The following PARVB variants were observed in gnomAD, a reference collection of about 807,000 sequenced individuals.
PARVB encodes beta-parvin.
PARVB carries 46 observed loss-of-function variants against 47.0 expected under a neutral mutation model. That is an observed-to-expected ratio of 0.98 (90% CI 0.77 to 1.25). PARVB has a LOEUF of 1.25. Among genes scored for constraint, PARVB ranks in the 50% most tolerant of loss-of-function variants. The probability of loss-of-function intolerance (pLI) is 0.00; values close to 1 mark genes in which losing one functional copy is unlikely to be tolerated. For missense variants in PARVB, 473 were observed against 471.6 expected (o/e 1.00, Z -0.03); for synonymous variants, 196 against 196.3 (o/e 1.00, Z 0.01).
rs2054270590 is a variant in PARVB, at chr22:44,171,660, C to A, written c.*2982C>A. Reference sequence around the variant, plus strand: ...GTCCTGGCGGCCCCCATCTAGTAAACCAGTAAACCCATGCCTATCCTCATG... The same window carrying A: ...GTCCTGGCGGCCCCCATCTAGTAAAACAGTAAACCCATGCCTATCCTCATG... On this transcript the variant is annotated 3_prime_UTR_variant, in exon 13 of 13. Coordinates refer to ENST00000338758, the MANE Select transcript of PARVB (RefSeq NM_013327.5). 1.3e-5 allele frequency: 2 copies of A among 151,880 alleles called. No individual in the cohort carries two copies. The allele number at this position is 151,880 out of a possible 1,614,324, so 9.4% of individuals were successfully genotyped here.
chr22:44,079,561 C>T (rs2051852961), intron 1 of PARVB, among the ~76,000 whole-genome samples: 1 of 152,232 alleles, frequency 6.6e-6, no homozygotes, highest in Admixed American at 6.5e-5. Flanking sequence ...TTACTCAGCC[C>T]TTTAGCCAGC....
chr22:44,128,633 C>A (rs915578962), intron 4 of PARVB, among the ~76,000 whole-genome samples: 3 of 152,234 alleles, frequency 2.0e-5, no homozygotes, highest in Non-Finnish European at 4.4e-5. Context: ...CATGTGACCT[C>A]ATTTTACCTT....
Position 44,086,845 on chromosome 22 carries a change from A to G in PARVB, c.113-7083A>G, listed in dbSNP as rs560927182. 2.6e-5 allele frequency: 26 copies of G among 985,156 alleles called. No individual in the cohort carries two copies. The African/African-American group carries it at 4.4e-4, about 17-fold the overall frequency. 61.0% of individuals were successfully genotyped at this position (985,156 alleles called of 1,614,324 possible). On this transcript the variant is annotated intron_variant, in intron 1 of 12. Transcript: ENST00000338758. ...AGTACGGATGGAAGTTGGAAAATTC[A>G]TAGAAAGCTGTCATTTCCTGGCAGA...
intron 2 of PARVB, among the ~76,000 whole-genome samples, chr22:44,010,754 C>T (rs1047371390): frequency 6.6e-6 from 1 of 151,592 alleles, no homozygotes; most frequent in Non-Finnish European, 1.5e-5. Context: ...GTATGGCCTG[C>T]GAGTGAAGGA....
At chr22:44,055,968 G>A (rs1365401260) in intron 1 of PARVB, among the ~76,000 whole-genome samples, 1 of 152,128 alleles carries the variant, frequency 6.6e-6, no homozygotes, top group African/African-American at 2.4e-5. Context: ...TCACAGGCAC[G>A]CCCAGAATAA....
At chr22:44,151,628 G>A (rs375151270) in intron 10 of PARVB, 77 bp downstream of exon 10, 25 of 1,151,446 alleles carry the variant, frequency 2.2e-5, no homozygotes, top group African/African-American at 3.0e-5. Context: ...GGTGGGGCGC[G>A]TGAACAAAGC....
At chr22:44,094,045 T>A in intron 2 of PARVB, 28 bp downstream of exon 2, 1 of 1,366,834 alleles carries the variant, frequency 7.3e-7, no homozygotes, top group Non-Finnish European at 1.0e-6. Context: ...CTCCCTGCCC[T>A]GAGACAGTTG....
At position 44,075,437 on chromosome 22, in the gene PARVB, G is replaced by A. The variant is rs184864698; in HGVS notation, c.113-18491G>A. On this transcript the variant is annotated intron_variant, in intron 1 of 12. Transcript: ENST00000338758. ...CCCTCTAACAACGTCCAGACCAGAG[G>A]GTGCATCTGTGGTACCTGGTGGACC... Among the ~76,000 whole-genome samples the A allele has an allele frequency of 2.0e-4, 31 of 152,290 alleles. No individual in the cohort carries two copies. The East Asian group carries it at 6.0e-3, about 29-fold the overall frequency.
intron 2 of PARVB, among the ~76,000 whole-genome samples, chr22:44,014,903 T>C (rs1228411755): frequency 6.6e-6 from 1 of 150,694 alleles, no homozygotes; most frequent in African/African-American, 2.4e-5. Context: ...CAGGCTGGAG[T>C]GAAGTGGTGC....
At chr22:44,020,417 T>C (rs1291604200), upstream of PARVB, among the ~76,000 whole-genome samples, 24 of 152,192 alleles carry the variant, frequency 1.6e-4, no homozygotes. Context: ...CAAGTGATTC[T>C]CTGGCCTCAG....
chr22:44,093,243 G>A lies in PARVB; in HGVS notation c.113-685G>A, dbSNP rs549659560. Among the ~76,000 whole-genome samples, 6 of 152,326 alleles carry A rather than the reference G, an allele frequency of 3.9e-5. No homozygotes were observed. In the Middle Eastern group the frequency reaches 0.01, roughly 259 times the overall value. On this transcript the variant is annotated intron_variant, in intron 1 of 12. Coordinates refer to ENST00000338758, the MANE Select transcript of PARVB (RefSeq NM_013327.5). ...GGCCTGCAGGGTCTCACTGGTGCAG[G>A]GAGATGAGGGGTCATTTCTGGTTCT...
chr22:44,161,725 C>A (rs992098428), intron 11 of PARVB, among the ~76,000 whole-genome samples: 2 of 152,218 alleles, frequency 1.3e-5, no homozygotes, highest in African/African-American at 4.8e-5. Flanking sequence ...GAAAGGGAAC[C>A]TGTATGGAAT....
chr22:44,111,670 A>G (rs2052702382), intron 3 of PARVB: 1 of 149,896 alleles, frequency 6.7e-6, no homozygotes, highest in Non-Finnish European at 1.5e-5. Flanking sequence ...GTAGTCTCAA[A>G]CTCCTGGGCT....
At chr22:44,056,532 T>G (rs4635636) in intron 1 of PARVB, among the ~76,000 whole-genome samples, 41,524 of 151,956 alleles carry the variant, frequency 0.27, 7,969 homozygotes, top group African/African-American at 0.55. Flanking sequence ...TTGAGACAGG[T>G]TCTCCCTCTG....
At chr22:44,147,134 G>C (rs1303916336) in intron 8 of PARVB, 1 of 163,106 alleles carries the variant, frequency 6.1e-6, no homozygotes, top group African/African-American at 2.4e-5. Flanking sequence ...CCGGTTGGTG[G>C]AGTGAAGTCA....
intron 2 of PARVB, among the ~76,000 whole-genome samples, chr22:44,094,396 C>T (rs2052248935): frequency 4.6e-5 from 7 of 152,036 alleles, no homozygotes; most frequent in Admixed American, 3.9e-4. Flanking sequence ...CAAGCCACGC[C>T]ACACCATAGC....
In PARVB at chr22:44,151,489, A is replaced by G. The variant is rs751554250; in HGVS notation, c.781A>G (p.Ile261Val). 4.3e-6 allele frequency: 7 copies of G among 1,613,600 alleles called. No homozygotes were observed. The highest frequency in any genetic ancestry group is 1.1e-5 in the South Asian group (1 of 91,070). The part of the protein sequence containing the change: ...DKLSVVKKSL[I>V]TFVNKHLNKL... ...TCTCTTTTATTCTTGGCAGTCTCTC[A>G]TCACTTTTGTGAACAAGCACCTGAA... The change falls in exon 10 of 13, where the codon ATC becomes GTC. Residue 261 changes from isoleucine (I) to valine (V), a missense_variant. By Grantham distance (29) the Ile-to-Val change is conservative. Coordinates refer to ENST00000338758, the MANE Select transcript of PARVB (RefSeq NM_013327.5).
chr22:44,064,890 T>C (rs1171431782), intron 1 of PARVB, among the ~76,000 whole-genome samples: 1 of 152,198 alleles, frequency 6.6e-6, no homozygotes, highest in African/African-American at 2.4e-5. Context: ...ATCCGGATAG[T>C]TCTAGGATGA....
chr22:44,024,844 G>C (rs986183866), intron 1 of PARVB, among the ~76,000 whole-genome samples: 9 of 152,222 alleles, frequency 5.9e-5, no homozygotes, highest in Admixed American at 2.6e-4. Flanking sequence ...ACTCTGGGCA[G>C]ACACGGCCTG....
Sources: allele counts gnomAD v4.1 joint callset (sites outside exome capture counted in the v4.1 genomes callset), GRCh38; gene constraint gnomAD v4.1.1; transcripts MANE v1.5; gene names NCBI Gene and HGNC (gene_info 2026-07-23, HGNC 2026-07-21).